The following CSMD3 variants were observed in gnomAD, a reference collection of about 807,000 sequenced individuals.
CSMD3 encodes the protein CUB and Sushi multiple domains 3, also known as CUB and sushi domain-containing protein 3.
Under a neutral mutation model 435.2 loss-of-function variants are expected in CSMD3, and 177 were observed. The ratio of observed to expected loss-of-function variants is 0.41; its 90% CI spans 0.36 to 0.46. CSMD3 has a LOEUF of 0.46. Ranked by LOEUF, CSMD3 falls within the 20% of genes least tolerant of loss-of-function variation. The pLI, the probability that CSMD3 is intolerant of heterozygous loss-of-function variation, is 0.34. For synonymous variants in CSMD3, 1,656 were observed against 1,520.5 expected (o/e 1.09, Z -2.07); for missense variants, 4,265 against 4,504.6 (o/e 0.95, Z 1.52).
At chr8:113,370,569 CT>C (rs1470736934) in intron 1 of CSMD3, among the ~76,000 whole-genome samples, 21 of 151,960 alleles carry the variant, frequency 1.4e-4, no homozygotes, top group Non-Finnish European at 2.9e-4. Flanking sequence ...CACATTCATC[CT>C]ATCTTTCAAG....
chr8:112,630,329 G>C (rs144299357), intron 22 of CSMD3, among the ~76,000 whole-genome samples: 339 of 152,148 alleles, frequency 2.2e-3, no homozygotes, highest in African/African-American at 7.9e-3. Flanking sequence ...GGAAAAAAGA[G>C]GTAACACAAT....
At chr8:112,415,707 G>A (rs1212428286) in intron 32 of CSMD3, among the ~76,000 whole-genome samples, 4 of 152,230 alleles carry the variant, frequency 2.6e-5, no homozygotes, top group South Asian at 2.1e-4. Flanking sequence ...TGCCACAGAG[G>A]TGGAGTTGCC....
At chr8:112,912,058 T>C (rs2082434949) in intron 10 of CSMD3, among the ~76,000 whole-genome samples, 1 of 149,184 alleles carries the variant, frequency 6.7e-6, no homozygotes, top group Non-Finnish European at 1.5e-5. Context: ...TTTCAATTAT[T>C]TGATTTTTTT....
intron 30 of CSMD3, among the ~76,000 whole-genome samples, chr8:112,492,894 C>A (rs1234920809): frequency 8.5e-6 from 1 of 118,146 alleles, no homozygotes; most frequent in African/African-American, 3.6e-5. Context: ...ACATCATATC[C>A]TGTATTATTA....
At chr8:113,409,968 T>G (rs1187714775) in intron 1 of CSMD3, among the ~76,000 whole-genome samples, 1 of 152,154 alleles carries the variant, frequency 6.6e-6, no homozygotes, top group Admixed American at 6.5e-5. Context: ...ACTTTGAGTT[T>G]TTATATCTAA....
intron 1 of CSMD3, among the ~76,000 whole-genome samples, chr8:113,340,831 T>C (rs2094113521): frequency 6.7e-6 from 1 of 149,972 alleles, no homozygotes; most frequent in African/African-American, 2.5e-5. Flanking sequence ...ATTGTGCCAC[T>C]GCACTCCAGC....
At chr8:113,434,319 A>G (rs553320034) in intron 1 of CSMD3, among the ~76,000 whole-genome samples, 1 of 152,348 alleles carries the variant, frequency 6.6e-6, no homozygotes, top group East Asian at 1.9e-4. Flanking sequence ...TGGACCTCAC[A>G]TTCCAGAAGA....
At chr8:112,982,189 T>A (rs2085077489) in intron 6 of CSMD3, among the ~76,000 whole-genome samples, 1 of 151,890 alleles carries the variant, frequency 6.6e-6, no homozygotes, top group South Asian at 2.1e-4. Flanking sequence ...AGGTGTCATT[T>A]TTAAATTTAG....
intron 6 of CSMD3, among the ~76,000 whole-genome samples, chr8:113,004,714 T>A (rs758564675): frequency 6.6e-6 from 1 of 151,918 alleles, no homozygotes; most frequent in Non-Finnish European, 1.5e-5. Context: ...GAACTACTTT[T>A]AGCACTTCTT....
Position 113,004,974 on chromosome 8 carries a change from A to G in CSMD3, c.1030+14093T>C, listed in dbSNP as rs1254527152. Among the ~76,000 whole-genome samples the G allele has an allele frequency of 2.0e-5, 3 of 151,950 alleles. No homozygotes were observed. In the East Asian group the frequency reaches 5.8e-4, roughly 29 times the overall value. On this transcript the variant is annotated intron_variant, in intron 6 of 70. Transcript: ENST00000297405. ...TATCATTGTGTATGCATTAAATGTT[A>G]TACATCATTATATATATACCAAATC...
At chr8:112,760,659 C>T (rs551734300) in intron 13 of CSMD3, among the ~76,000 whole-genome samples, 77 of 152,290 alleles carry the variant, frequency 5.1e-4, no homozygotes, top group African/African-American at 1.8e-3. Flanking sequence ...CTTATCATCA[C>T]ATTTCCCCTT....
chr8:113,192,402 G>A (rs563665771), intron 3 of CSMD3, among the ~76,000 whole-genome samples: 15 of 151,318 alleles, frequency 9.9e-5, no homozygotes, highest in African/African-American at 2.9e-4. Flanking sequence ...ATTTTCTTTC[G>A]ATATGGAATT....
At chr8:112,319,756 C>T (rs1822816686) in intron 46 of CSMD3, 145 bp downstream of exon 46, 2 of 692,074 alleles carry the variant, frequency 2.9e-6, no homozygotes, top group African/African-American at 1.8e-5. Context: ...CTCCTTCTCC[C>T]TTCTTAAAAA....
rs150895224 is a variant in CSMD3, at chr8:113,383,645, T to A, written c.178+53032A>T. 2.2e-4 allele frequency among the ~76,000 whole-genome samples: 33 copies of A among 152,258 alleles called. No homozygotes were observed. The East Asian group carries it at 6.0e-3, about 28-fold the overall frequency. On this transcript the variant is annotated intron_variant, in intron 1 of 70. Transcript: ENST00000297405. ...CCTGCAGATCATCCAGGTAGTAATA[T>A]GCACTAAGTAGTGATTTTAGGGTTT...
chr8:112,318,922 T>G lies in CSMD3; in HGVS notation c.7275A>C (p.Pro2425=), dbSNP rs1376119859. 6.2e-7 allele frequency: 1 copy of G among 1,611,106 alleles called. No homozygotes were observed. Among genetic ancestry groups the G allele is most frequent in the East Asian group, 2.2e-5 (1 of 44,824 alleles). The change falls in exon 47 of 71, where the codon CCA becomes CCC. Residue 2425 remains proline (P), a synonymous_variant. Coordinates refer to ENST00000297405, the MANE Select transcript of CSMD3 (RefSeq NM_198123.2). ...TTGCATTACCAACTAAAGTAAATCCTGGAAGACACTGATACCTAATAATAT... is the reference window on the plus strand; with the variant it reads ...TTGCATTACCAACTAAAGTAAATCCGGGAAGACACTGATACCTAATAATAT... The part of the protein sequence containing the change: ...IGDIIRYQCL[P]GFTLVGNAIL...
intron 36 of CSMD3, among the ~76,000 whole-genome samples, chr8:112,389,339 A>G (rs553875719): frequency 1.3e-5 from 2 of 152,318 alleles, no homozygotes; most frequent in East Asian, 1.9e-4. Context: ...TTCTAAAGGT[A>G]TCATATCATT....
chr8:113,157,610 A>C (rs2091958938), intron 4 of CSMD3, among the ~76,000 whole-genome samples: 2 of 152,090 alleles, frequency 1.3e-5, no homozygotes, highest in South Asian at 4.1e-4. Context: ...AAAATCACTA[A>C]ATCCACTGGA....
chr8:113,276,486 C>A (rs1206280011), intron 3 of CSMD3, among the ~76,000 whole-genome samples: 2 of 152,034 alleles, frequency 1.3e-5, no homozygotes, highest in East Asian at 3.9e-4. Flanking sequence ...GAGCTATGGG[C>A]AGCCCCAGCT....
At chr8:112,311,209 G>A (rs2130816180) in intron 49 of CSMD3, 43 bp from the exon 50 acceptor site, 1 of 1,523,144 alleles carries the variant, frequency 6.6e-7, no homozygotes, top group Non-Finnish European at 9.1e-7. Flanking sequence ...TAATGAATCA[G>A]AAGTTATTAC....
Sources: allele counts gnomAD v4.1 joint callset (sites outside exome capture counted in the v4.1 genomes callset), GRCh38; gene constraint gnomAD v4.1.1; transcripts MANE v1.5; gene names NCBI Gene and HGNC (gene_info 2026-07-23, HGNC 2026-07-21).